PCCA: variants seen among roughly 807,000 people sequenced by gnomAD.
The protein encoded by PCCA is propionyl-CoA carboxylase subunit alpha.
Under a neutral mutation model 101.3 loss-of-function variants are expected in PCCA, and 74 were observed. That is an observed-to-expected ratio of 0.73 (90% CI 0.61 to 0.89). The LOEUF (loss-of-function observed/expected upper bound fraction) is 0.89. PCCA is among the 40% of genes least tolerant of loss of function. The pLI is 0.00. For missense variants in PCCA, 891 were observed against 907.0 expected (o/e 0.98, Z 0.23); for synonymous variants, 294 against 313.6 (o/e 0.94, Z 0.66).
chr13:100,473,201 C>G (rs1385014155), intron 21 of PCCA: 1 of 152,220 alleles, frequency 6.6e-6, no homozygotes, highest in Non-Finnish European at 1.5e-5. Context: ...GTGAATTAAT[C>G]TCTTCTCCCA....
intron 21 of PCCA, among the ~76,000 whole-genome samples, chr13:100,470,679 T>A (rs915199179): frequency 1.3e-5 from 2 of 151,826 alleles, no homozygotes; most frequent in Non-Finnish European, 1.5e-5. Flanking sequence ...AAAATAAAAT[T>A]AAATTAAAAA....
intron 19 of PCCA, among the ~76,000 whole-genome samples, chr13:100,416,770 G>A (rs912464153): frequency 1.3e-5 from 2 of 151,526 alleles, no homozygotes; most frequent in African/African-American, 2.4e-5. Context: ...TAATCTACCC[G>A]CCTTGGCCTT....
At chr13:100,324,333 T>C (rs2068407461) in intron 16 of PCCA, among the ~76,000 whole-genome samples, 1 of 152,212 alleles carries the variant, frequency 6.6e-6, no homozygotes. Context: ...GTTACCTATT[T>C]TGATATTACA....
chr13:100,475,261 A>G (rs1057070441), intron 21 of PCCA, among the ~76,000 whole-genome samples: 12 of 152,082 alleles, frequency 7.9e-5, no homozygotes, highest in African/African-American at 2.9e-4. Flanking sequence ...CATCACTGTA[A>G]TATTTTAAAA....
At chr13:100,426,734 A>G (rs1183086803) in intron 20 of PCCA, among the ~76,000 whole-genome samples, 1 of 152,080 alleles carries the variant, frequency 6.6e-6, no homozygotes, top group Non-Finnish European at 1.5e-5. Flanking sequence ...TTGTCCCAGT[A>G]TATTTTTTCT....
rs1226486379 is a variant in PCCA, at chr13:100,102,951, T to G, written c.174T>G (p.Pro58=). ...SRNLGSVGYD[P]NEKTFDKILV... is the part of the protein sequence containing the mutation. The stretch of plus-strand genomic sequence containing the variant: ...ATCTTGGTTCAGTGGGATATGATCC[T>G]AATGAAAAAGTAAGTATTTAAAAGA... The change falls in exon 2 of 24, where the codon CCT becomes CCG. Residue 58 remains proline (P), a synonymous_variant. Coordinates refer to ENST00000376285, the MANE Select transcript of PCCA (RefSeq NM_000282.4). 6.3e-7 allele frequency: 1 copy of G among 1,591,082 alleles called. No individual in the cohort carries two copies. Among genetic ancestry groups the G allele is most frequent in the African/African-American group, 1.3e-5 (1 of 74,490 alleles).
intron 1 of PCCA, 139 bp downstream of exon 1, chr13:100,089,364 C>G (rs2046059667): frequency 8.6e-7 from 1 of 1,166,678 alleles, no homozygotes; most frequent in Non-Finnish European, 1.1e-6. Context: ...ACACCGCTTG[C>G]TTTCCTCCCT....
At chr13:100,335,508 AC>A (rs1055249345) in intron 17 of PCCA, among the ~76,000 whole-genome samples, 7 of 152,282 alleles carry the variant, frequency 4.6e-5, no homozygotes, top group Admixed American at 4.6e-4. Flanking sequence ...AGCTCCAGAT[AC>A]CCTGGGAAAT....
intron 19 of PCCA, among the ~76,000 whole-genome samples, chr13:100,373,370 G>T (rs2075697510): frequency 6.6e-6 from 1 of 152,196 alleles, no homozygotes; most frequent in African/African-American, 2.4e-5. Flanking sequence ...GGAAAAAACA[G>T]TATGATGGTC....
chr13:100,241,415 G>A (rs541555466), intron 8 of PCCA, among the ~76,000 whole-genome samples: 4 of 152,144 alleles, frequency 2.6e-5, no homozygotes, highest in African/African-American at 4.8e-5. Context: ...ATGTTCTACC[G>A]TTTATCCCTT....
Position 100,260,402 on chromosome 13 carries a change from T to G in PCCA, c.717-2327T>G, listed in dbSNP as rs59419625. On this transcript the variant is annotated intron_variant, in intron 9 of 23. Coordinates refer to ENST00000376285, the MANE Select transcript of PCCA (RefSeq NM_000282.4). Reference sequence around the variant, plus strand: ...AGTTGTGTGTGTGTGTGTGTGTTTTTTTTTTTTTTTTTGAGATGGAGTCTC... The same window carrying G: ...AGTTGTGTGTGTGTGTGTGTGTTTTGTTTTTTTTTTTTGAGATGGAGTCTC... Among the ~76,000 whole-genome samples, 259 of 122,750 alleles carry G rather than the reference T, an allele frequency of 2.1e-3. 1 individual carries two copies. The highest frequency in any genetic ancestry group is 1.8e-3 in the African/African-American group (61 of 34,660). The allele number at this position is 122,750 out of a possible 152,430, so 80.5% of individuals were successfully genotyped here.
At chr13:100,092,358 A>G (rs770486757) in intron 1 of PCCA, among the ~76,000 whole-genome samples, 6 of 151,314 alleles carry the variant, frequency 4.0e-5, no homozygotes, top group Non-Finnish European at 7.4e-5. Context: ...CTTAGATAAT[A>G]TGATTCTGAA....
chr13:100,111,625 G>T (rs576717186), intron 2 of PCCA, among the ~76,000 whole-genome samples: 2 of 151,972 alleles, frequency 1.3e-5, no homozygotes, highest in African/African-American at 4.8e-5. Flanking sequence ...GGTTGTAAAC[G>T]GTTATACTAT....
chr13:100,268,840 A>G (rs2063116846), intron 11 of PCCA, 57 bp downstream of exon 11: 10 of 981,268 alleles, frequency 1.0e-5, no homozygotes, highest in Non-Finnish European at 1.6e-5. Flanking sequence ...TCATTCATTC[A>G]TTCATTCATT....
chr13:100,163,450 A>G (rs2054703117), intron 6 of PCCA, among the ~76,000 whole-genome samples: 2 of 152,146 alleles, frequency 1.3e-5, no homozygotes, highest in South Asian at 4.1e-4. Flanking sequence ...CTGTGATTTT[A>G]TGTTGAAAAT....
intron 19 of PCCA, among the ~76,000 whole-genome samples, chr13:100,416,125 T>G (rs929922083): frequency 6.6e-6 from 1 of 152,108 alleles, no homozygotes; most frequent in Non-Finnish European, 1.5e-5. Flanking sequence ...TTTAATGGAA[T>G]CCAGAGTGAT....
intron 2 of PCCA, among the ~76,000 whole-genome samples, chr13:100,107,829 A>T (rs1421537820): frequency 6.6e-6 from 1 of 152,232 alleles, no homozygotes; most frequent in African/African-American, 2.4e-5. Flanking sequence ...GATTCATCAC[A>T]GTGCCTGCTG....
chr13:100,526,322 G>T (rs1005119215), intron 22 of PCCA, among the ~76,000 whole-genome samples: 1 of 152,332 alleles, frequency 6.6e-6, no homozygotes, highest in East Asian at 1.9e-4. Context: ...AGGGCAGCGC[G>T]GGCAGCGCTT....
At chr13:100,122,202 C>A (rs1386683112) in intron 4 of PCCA, among the ~76,000 whole-genome samples, 1 of 152,098 alleles carries the variant, frequency 6.6e-6, no homozygotes, top group African/African-American at 2.4e-5. Context: ...TGAGATTAAT[C>A]CCACTTGGTC....
Sources: allele counts gnomAD v4.1 joint callset (sites outside exome capture counted in the v4.1 genomes callset), GRCh38; gene constraint gnomAD v4.1.1; transcripts MANE v1.5; gene names NCBI Gene and HGNC (gene_info 2026-07-23, HGNC 2026-07-21).